The following DRC11 variants were observed in gnomAD, a reference collection of about 807,000 sequenced individuals.
DRC11 encodes dynein regulatory complex subunit 11.
At chr2:236,491,057 T>G in the DRC11 span, among the ~76,000 whole-genome samples, 3 of 136,428 alleles carry the variant, frequency 2.2e-5, no homozygotes, top group African/African-American at 9.0e-5. Flanking sequence ...TATATATATA[T>G]ATACACACAG....
the DRC11 span, among the ~76,000 whole-genome samples, chr2:236,485,361 G>C: frequency 6.6e-6 from 1 of 151,890 alleles, no homozygotes; most frequent in Non-Finnish European, 1.5e-5. Flanking sequence ...CCTCACCAGG[G>C]CTCTGTATGT....
chr2:236,364,131 C>T, the DRC11 span, among the ~76,000 whole-genome samples: 1 of 152,170 alleles, frequency 6.6e-6, no homozygotes, highest in Non-Finnish European at 1.5e-5. Context: ...AGAGACACGC[C>T]TCCATCCCAG....
At chr2:236,442,855 G>C in the DRC11 span, among the ~76,000 whole-genome samples, 1 of 152,156 alleles carries the variant, frequency 6.6e-6, no homozygotes, top group Non-Finnish European at 1.5e-5. Flanking sequence ...GTTGTTGACG[G>C]TTTGTTCTTC....
the DRC11 span, among the ~76,000 whole-genome samples, chr2:236,317,301 A>AGGG: frequency 3.6e-5 from 5 of 139,484 alleles, no homozygotes; most frequent in South Asian, 2.2e-4. This position sits in a 1 kb window ranked among gnomAD's most constrained non-coding sequence, Gnocchi z 5.4. Flanking sequence ...TATCGGGGGA[A>AGGG]AAAAAAAAAA....
chr2:236,315,550 A>G, the DRC11 span, among the ~76,000 whole-genome samples: 2 of 152,184 alleles, frequency 1.3e-5, no homozygotes, highest in South Asian at 2.1e-4. The surrounding 1 kb of genome is among the most constrained non-coding windows in gnomAD (Gnocchi z 5.1). Flanking sequence ...AGATACATGC[A>G]TGTGTATGTT....
At chr2:236,446,875 G>GAAAT in the DRC11 span, among the ~76,000 whole-genome samples, 1 of 147,830 alleles carries the variant, frequency 6.8e-6, no homozygotes, top group African/African-American at 2.7e-5. This position sits in a 1 kb window ranked among gnomAD's most constrained non-coding sequence, Gnocchi z 6.2. Flanking sequence ...GTCCACCTCG[G>GAAAT]ACCTGTCTTG....
At chr2:236,380,743 A>G in the DRC11 span, 1 of 804,400 alleles carries the variant, frequency 1.2e-6, no homozygotes. The surrounding 1 kb of genome is among the most constrained non-coding windows in gnomAD (Gnocchi z 4.9). Flanking sequence ...GGAGGTGGAA[A>G]GTTAATTGTG....
the DRC11 span, among the ~76,000 whole-genome samples, chr2:236,490,431 C>T: frequency 2.0e-5 from 3 of 152,200 alleles, no homozygotes; most frequent in South Asian, 6.2e-4. This position sits in a 1 kb window ranked among gnomAD's most constrained non-coding sequence, Gnocchi z 5.5. Flanking sequence ...CATAACAATC[C>T]CTCTGAGTTT....
At chr2:236,375,438 T>A in the DRC11 span, among the ~76,000 whole-genome samples, 5 of 152,334 alleles carry the variant, frequency 3.3e-5, no homozygotes, top group Non-Finnish European at 7.3e-5. This position sits in a 1 kb window ranked among gnomAD's most constrained non-coding sequence, Gnocchi z 4.2. Flanking sequence ...ACAGCCATTT[T>A]AAAATATTAA....
the DRC11 span, among the ~76,000 whole-genome samples, chr2:236,404,175 A>G: frequency 1.3e-3 from 203 of 151,498 alleles, no homozygotes; most frequent in African/African-American, 4.6e-3. Context: ...AAAAAAAAAA[A>G]AAAAGAAAAA....
At chr2:236,485,862 C>G in the DRC11 span, among the ~76,000 whole-genome samples, 2 of 152,202 alleles carry the variant, frequency 1.3e-5, no homozygotes, top group African/African-American at 4.8e-5. Context: ...AGGCCATGCA[C>G]TCGATGAGGC....
At chr2:236,469,183 C>T in the DRC11 span, among the ~76,000 whole-genome samples, 27 of 152,264 alleles carry the variant, frequency 1.8e-4, no homozygotes, top group Admixed American at 1.7e-3. The surrounding 1 kb of genome is among the most constrained non-coding windows in gnomAD (Gnocchi z 5.8). Context: ...TTCATGTCCA[C>T]ATCTATTTTT....
the DRC11 span, among the ~76,000 whole-genome samples, chr2:236,380,143 A>C: frequency 8.5e-5 from 13 of 152,174 alleles, no homozygotes; most frequent in African/African-American, 3.1e-4. This position sits in a 1 kb window ranked among gnomAD's most constrained non-coding sequence, Gnocchi z 4.9. Context: ...AGCTCTGAGA[A>C]AGGACACCGC....
the DRC11 span, among the ~76,000 whole-genome samples, chr2:236,378,451 A>C: frequency 1.3e-5 from 2 of 152,118 alleles, no homozygotes. Flanking sequence ...GGGTGGGCGG[A>C]TCATTTGAAG....
the DRC11 span, among the ~76,000 whole-genome samples, chr2:236,453,408 C>T: frequency 1.3e-5 from 2 of 152,146 alleles, no homozygotes; most frequent in East Asian, 3.9e-4. The surrounding 1 kb of genome is among the most constrained non-coding windows in gnomAD (Gnocchi z 4.9). Flanking sequence ...ATTGTTTCTG[C>T]TCAAAGCAAC....
chr2:236,472,542 T>C, the DRC11 span, among the ~76,000 whole-genome samples: 3 of 152,350 alleles, frequency 2.0e-5, no homozygotes, highest in South Asian at 4.1e-4. This position sits in a 1 kb window ranked among gnomAD's most constrained non-coding sequence, Gnocchi z 4.6. Flanking sequence ...TTTTGTTGCA[T>C]GAAAAGTTAT....
chr2:236,336,535 TC>T, the DRC11 span, among the ~76,000 whole-genome samples: 1 of 151,720 alleles, frequency 6.6e-6, no homozygotes, highest in East Asian at 1.9e-4. This position sits in a 1 kb window ranked among gnomAD's most constrained non-coding sequence, Gnocchi z 7.3. Flanking sequence ...CATCATCATC[TC>T]CAGTGTCAAA....
chr2:236,376,767 A>AT, the DRC11 span, among the ~76,000 whole-genome samples: 1 of 152,128 alleles, frequency 6.6e-6, no homozygotes, highest in Non-Finnish European at 1.5e-5. The surrounding 1 kb of genome is among the most constrained non-coding windows in gnomAD (Gnocchi z 5.7). Flanking sequence ...CCCCAGGTGC[A>AT]TTTTTTACAA....
the DRC11 span, among the ~76,000 whole-genome samples, chr2:236,426,008 C>G: frequency 6.6e-6 from 1 of 151,918 alleles, no homozygotes; most frequent in African/African-American, 2.4e-5. The surrounding 1 kb of genome is among the most constrained non-coding windows in gnomAD (Gnocchi z 4.1). Context: ...GTTTTTATGC[C>G]AGTATCACGC....
Sources: allele counts gnomAD v4.1 joint callset (sites outside exome capture counted in the v4.1 genomes callset), GRCh38; gene constraint gnomAD v4.1.1; non-coding constraint Gnocchi (gnomAD v3.1); transcripts MANE v1.5; gene names NCBI Gene and HGNC (gene_info 2026-07-23, HGNC 2026-07-21).